C1QTNF3: variants seen among roughly 807,000 people sequenced by gnomAD.
The protein encoded by C1QTNF3 is complement C1q tumor necrosis factor-related protein 3.
Under a neutral mutation model 32.6 loss-of-function variants are expected in C1QTNF3, and 26 were observed. The observed-to-expected ratio is 0.80, with a 90% CI of 0.58 to 1.11. The LOEUF is 1.11. Ranked by LOEUF, C1QTNF3 falls within the 50% of genes least tolerant of loss-of-function variation. The pLI, the probability that C1QTNF3 is intolerant of heterozygous loss-of-function variation, is 0.00. For missense variants in C1QTNF3, 362 were observed against 398.2 expected (o/e 0.91, Z 0.77); for synonymous variants, 155 against 146.0 (o/e 1.06, Z -0.44).
intron 2 of C1QTNF3, among the ~76,000 whole-genome samples, chr5:34,034,038 A>C (rs1754679447): frequency 6.6e-6 from 1 of 152,140 alleles, no homozygotes; most frequent in Admixed American, 6.6e-5. Context: ...GTGGTGGTGC[A>C]CACCTGTAGT....
the C1QTNF3 span, among the ~76,000 whole-genome samples, chr5:34,202,836 A>G: frequency 6.6e-6 from 1 of 151,572 alleles, no homozygotes; most frequent in East Asian, 1.9e-4. Context: ...CAACCTTTTT[A>G]GTCATTCACT....
the C1QTNF3 span, among the ~76,000 whole-genome samples, chr5:34,172,285 T>C: frequency 6.6e-6 from 1 of 152,026 alleles, no homozygotes; most frequent in Non-Finnish European, 1.5e-5. Flanking sequence ...AATGATAAAA[T>C]AGAACATTTA....
the C1QTNF3 span, among the ~76,000 whole-genome samples, chr5:34,082,553 T>A: frequency 6.6e-6 from 1 of 151,838 alleles, no homozygotes; most frequent in Admixed American, 6.5e-5. Context: ...AAGGACAGCA[T>A]CGTCTCTGAC....
the C1QTNF3 span, among the ~76,000 whole-genome samples, chr5:34,241,131 T>C: frequency 1.3e-5 from 2 of 151,292 alleles, no homozygotes; most frequent in Non-Finnish European, 2.9e-5. Flanking sequence ...CAAATAAGCA[T>C]ACTTCAAAAT....
chr5:34,051,276 T>C, the C1QTNF3 span, among the ~76,000 whole-genome samples: 5 of 152,216 alleles, frequency 3.3e-5, no homozygotes, highest in Non-Finnish European at 7.3e-5. Context: ...ACCATTCAAC[T>C]GTTTTCTACA....
At chr5:34,083,339 CTACAA>C in the C1QTNF3 span, among the ~76,000 whole-genome samples, 1 of 151,602 alleles carries the variant, frequency 6.6e-6, no homozygotes, top group Admixed American at 6.6e-5. Flanking sequence ...AAATTAAAAA[CTACAA>C]TACAACACCT....
chr5:34,120,562 C>T, the C1QTNF3 span, among the ~76,000 whole-genome samples: 18 of 152,142 alleles, frequency 1.2e-4, no homozygotes, highest in Non-Finnish European at 2.2e-4. Context: ...ACAGTTCCCA[C>T]GTGTTGTGGG....
the C1QTNF3 span, among the ~76,000 whole-genome samples, chr5:34,213,427 T>C: frequency 6.6e-6 from 1 of 151,970 alleles, no homozygotes; most frequent in Non-Finnish European, 1.5e-5. Flanking sequence ...AGATTAATAA[T>C]AAATTAATGA....
At chr5:34,214,049 G>A in the C1QTNF3 span, among the ~76,000 whole-genome samples, 1 of 149,990 alleles carries the variant, frequency 6.7e-6, no homozygotes, top group Non-Finnish European at 1.5e-5. Flanking sequence ...GACCTCAAGT[G>A]ATCTACCCCC....
the C1QTNF3 span, among the ~76,000 whole-genome samples, chr5:34,102,330 A>G: frequency 2.6e-5 from 4 of 152,238 alleles, no homozygotes; most frequent in Admixed American, 2.6e-4. Flanking sequence ...CAGAATACTA[A>G]TATTATTAAA....
chr5:34,026,389 AT>A (rs1439184363), intron 4 of C1QTNF3, among the ~76,000 whole-genome samples: 1 of 145,132 alleles, frequency 6.9e-6, no homozygotes, highest in Non-Finnish European at 1.5e-5. Context: ...GTTTGGGGTG[AT>A]GGTTGCTAGA....
chr5:34,162,349 TCC>T, the C1QTNF3 span, among the ~76,000 whole-genome samples: 3 of 152,084 alleles, frequency 2.0e-5, no homozygotes, highest in Admixed American at 2.0e-4. Context: ...ACTAACCCAC[TCC>T]AAGGAAAATG....
upstream of C1QTNF3, among the ~76,000 whole-genome samples, chr5:34,047,277 C>T (rs952478759): frequency 1.3e-5 from 2 of 152,262 alleles, no homozygotes; most frequent in Non-Finnish European, 2.9e-5. Flanking sequence ...GGCAGGGCCA[C>T]TAATGTGAGC....
chr5:34,222,226 T>A, the C1QTNF3 span, among the ~76,000 whole-genome samples: 1 of 152,000 alleles, frequency 6.6e-6, no homozygotes, highest in East Asian at 1.9e-4. Flanking sequence ...ATATGATACC[T>A]TAGGGATTGT....
chr5:34,230,518 A>C, the C1QTNF3 span, among the ~76,000 whole-genome samples: 1 of 152,126 alleles, frequency 6.6e-6, no homozygotes, highest in Non-Finnish European at 1.5e-5. Context: ...AAACAAAAAG[A>C]CCAATTTTAC....
In C1QTNF3 at chr5:34,018,585, A is replaced by G. The variant is rs1754250879; in HGVS notation, c.*1998T>C. On this transcript the variant is annotated 3_prime_UTR_variant, in exon 6 of 6. Coordinates refer to ENST00000382065, the MANE Select transcript of C1QTNF3 (RefSeq NM_181435.6). The stretch of plus-strand genomic sequence containing the variant: ...TATGAATTCCAGCCACATCATTTGG[A>G]GTTTACATTTGCATATTCCATCCTC... Among the ~76,000 whole-genome samples the G allele has an allele frequency of 6.6e-6, 1 of 152,178 alleles. No individual in the cohort carries two copies. Among genetic ancestry groups the G allele is most frequent in the Non-Finnish European group, 1.5e-5 (1 of 68,028 alleles).
At chr5:34,213,142 A>G in the C1QTNF3 span, among the ~76,000 whole-genome samples, 1 of 152,208 alleles carries the variant, frequency 6.6e-6, no homozygotes, top group African/African-American at 2.4e-5. Flanking sequence ...GAATGGATTA[A>G]TATCTTTTAT....
At chr5:34,165,822 T>C in the C1QTNF3 span, 1 of 149,730 alleles carries the variant, frequency 6.7e-6, no homozygotes, top group South Asian at 2.1e-4. Context: ...TATAAATATT[T>C]TCCAAACTCC....
the C1QTNF3 span, among the ~76,000 whole-genome samples, chr5:34,220,276 CATAA>C: frequency 1.3e-5 from 2 of 151,974 alleles, no homozygotes; most frequent in African/African-American, 2.4e-5. Context: ...GTTAATTCCA[CATAA>C]ATAATTTCAG....
Sources: gnomAD v4.1 joint callset for allele counts (sites outside exome capture counted in the v4.1 genomes callset) on GRCh38, gnomAD v4.1.1 for gene constraint, MANE v1.5 for transcripts, NCBI Gene and HGNC (gene_info 2026-07-23, HGNC 2026-07-21) for gene names.